BCL2L13: variants seen among roughly 807,000 people sequenced by gnomAD.
The protein encoded by BCL2L13 is bcl-2-like protein 13.
Under a neutral mutation model 25.8 loss-of-function variants are expected in BCL2L13, and 13 were observed. The ratio of observed to expected loss-of-function variants is 0.50; its 90% CI spans 0.33 to 0.80. The LOEUF (loss-of-function observed/expected upper bound fraction) is 0.80. Ranked by LOEUF, BCL2L13 falls within the 30% of genes least tolerant of loss-of-function variation. BCL2L13 has a pLI of 0.02. For missense variants in BCL2L13, 504 were observed against 574.9 expected (o/e 0.88, Z 1.26); for synonymous variants, 244 against 230.3 (o/e 1.06, Z -0.54).
intron 5 of BCL2L13, 135 bp downstream of exon 5, chr22:17,696,345 T>G: frequency 1.3e-6 from 1 of 779,836 alleles, no homozygotes; most frequent in Non-Finnish European, 2.1e-6. Context: ...TAAGGGGATA[T>G]TTTTGGTTAA....
chr22:17,727,321 C>CTAT lies in BCL2L13; in HGVS notation c.1245_1246insTAT (p.Asn415_Ala416insTyr). 1 of 1,614,202 alleles carries CTAT rather than the reference C, an allele frequency of 6.2e-7. No homozygotes were observed. Among genetic ancestry groups the CTAT allele is most frequent in the South Asian group, 1.1e-5 (1 of 91,082 alleles). Reference sequence around the variant, plus strand: ...CGCTGCTGAGTGAGAAGGAGATAAACGCAAGGGAAGAGAGCCTTGTGGAAG... The same window carrying CTAT: ...CGCTGCTGAGTGAGAAGGAGATAAACTATGCAAGGGAAGAGAGCCTTGTGGAAG... On this transcript the variant is annotated inframe_insertion, in exon 7 of 7. Transcript: ENST00000317582.
chr22:17,663,054 A>G (rs1460704939), intron 2 of BCL2L13, among the ~76,000 whole-genome samples: 1 of 151,968 alleles, frequency 6.6e-6, no homozygotes, highest in Non-Finnish European at 1.5e-5. Context: ...AACTTTTTGT[A>G]AAGACAGGGT....
chr22:17,635,505 A>G (rs983399292), upstream of BCL2L13, among the ~76,000 whole-genome samples: 1 of 152,190 alleles, frequency 6.6e-6, no homozygotes, highest in African/African-American at 2.4e-5. Flanking sequence ...CCTCATTGAA[A>G]TGCCTTAGCA....
chr22:17,631,492 A>G (rs2058012305), intron 1 of BCL2L13, among the ~76,000 whole-genome samples: 1 of 151,244 alleles, frequency 6.6e-6, no homozygotes, highest in Non-Finnish European at 1.5e-5. Flanking sequence ...TTTGCAACAC[A>G]TCAGAAAGTA....
chr22:17,671,225 T>A (rs1283020536), intron 2 of BCL2L13, among the ~76,000 whole-genome samples: 2 of 151,974 alleles, frequency 1.3e-5, no homozygotes. Flanking sequence ...AAACCCCTTC[T>A]CTACTAAAAA....
intron 6 of BCL2L13, among the ~76,000 whole-genome samples, chr22:17,719,975 G>A (rs1443602507): frequency 6.6e-6 from 1 of 152,056 alleles, no homozygotes; most frequent in African/African-American, 2.4e-5. Flanking sequence ...TAGGCAATCC[G>A]TAGAGATAGA....
chr22:17,634,231 G>T (rs2058071251), upstream of BCL2L13, among the ~76,000 whole-genome samples: 1 of 151,968 alleles, frequency 6.6e-6, no homozygotes, highest in South Asian at 2.1e-4. Flanking sequence ...TGTTGCCCAG[G>T]CTGGAGTGCA....
chr22:17,631,114 T>TG (rs930967311), intron 1 of BCL2L13, among the ~76,000 whole-genome samples: 4 of 151,790 alleles, frequency 2.6e-5, no homozygotes, highest in African/African-American at 9.7e-5. Flanking sequence ...AATTTTTTTT[T>TG]TTTTTGAGAC....
chr22:17,680,509 C>A (rs1387654965), intron 2 of BCL2L13, among the ~76,000 whole-genome samples: 1 of 65,440 alleles, frequency 1.5e-5, no homozygotes, highest in Non-Finnish European at 2.5e-5. Flanking sequence ...GAGACTCTGT[C>A]TCAAAAAAAA....
At chr22:17,690,234 G>A (rs1283941993) in intron 4 of BCL2L13, among the ~76,000 whole-genome samples, 1 of 152,012 alleles carries the variant, frequency 6.6e-6, no homozygotes, top group African/African-American at 2.4e-5. Flanking sequence ...GCTGAGGCAG[G>A]AGTATCGCTT....
intron 1 of BCL2L13, among the ~76,000 whole-genome samples, chr22:17,630,555 G>C (rs2057990255): frequency 6.6e-6 from 1 of 151,166 alleles, no homozygotes; most frequent in Non-Finnish European, 1.5e-5. Flanking sequence ...TGGGATTACA[G>C]GTGTGAGCCA....
At chr22:17,643,813 C>T (rs1422768000) in intron 1 of BCL2L13, among the ~76,000 whole-genome samples, 5 of 151,732 alleles carry the variant, frequency 3.3e-5, no homozygotes, top group African/African-American at 1.2e-4. Context: ...TGGGGTTTCA[C>T]CGTGTTAGCC....
At chr22:17,681,984 A>G (rs559792076) in intron 2 of BCL2L13, among the ~76,000 whole-genome samples, 2 of 152,298 alleles carry the variant, frequency 1.3e-5, no homozygotes, top group African/African-American at 2.4e-5. Context: ...ACGTACGTAC[A>G]TGTACATACA....
chr22:17,691,532 G>T lies in BCL2L13; in HGVS notation c.386+2390G>T, dbSNP rs185561840. Among the ~76,000 whole-genome samples the T allele has an allele frequency of 4.5e-3, 682 of 152,214 alleles. 6 individuals are homozygous for T. The highest frequency in any genetic ancestry group is 0.016 in the African/African-American group (651 of 41,548). On this transcript the variant is annotated intron_variant, in intron 4 of 6. Coordinates refer to ENST00000317582, the MANE Select transcript of BCL2L13 (RefSeq NM_015367.4). ...ATGGTGGTGGGTGCCTGTAGTCCCA[G>T]CCACTCAGGAGGCTGAGGCAGGAGA...
At chr22:17,713,449 G>A (rs1035293554) in intron 6 of BCL2L13, among the ~76,000 whole-genome samples, 102 of 142,564 alleles carry the variant, frequency 7.2e-4, no homozygotes, top group South Asian at 1.5e-3. Context: ...CCCATCATAA[G>A]TTGAAAATGC....
chr22:17,635,527 A>T (rs997178084), upstream of BCL2L13, among the ~76,000 whole-genome samples: 2 of 152,174 alleles, frequency 1.3e-5, no homozygotes, highest in African/African-American at 4.8e-5. Flanking sequence ...TTCTGTTGAA[A>T]ATTAGTTAAC....
chr22:17,706,679 G>A (rs1418798792), intron 6 of BCL2L13: 3 of 1,328,020 alleles, frequency 2.3e-6, no homozygotes, highest in African/African-American at 1.5e-5. Context: ...CTGCAGCCCG[G>A]TGAGGGCACA....
upstream of BCL2L13, chr22:17,628,909 A>G (rs1231488367): frequency 3.9e-6 from 2 of 516,170 alleles, no homozygotes; most frequent in Non-Finnish European, 7.0e-6. Context: ...CCTGACCGGT[A>G]TTTTTTTCCT....
chr22:17,692,358 C>T (rs180686584), intron 4 of BCL2L13: 6 of 152,262 alleles, frequency 3.9e-5, no homozygotes, highest in East Asian at 1.9e-4. Flanking sequence ...TCATTCAGAA[C>T]GATGCTAAAA....
Sources: gnomAD v4.1 joint callset for allele counts (sites outside exome capture counted in the v4.1 genomes callset) on GRCh38, gnomAD v4.1.1 for gene constraint, MANE v1.5 for transcripts, NCBI Gene and HGNC (gene_info 2026-07-23, HGNC 2026-07-21) for gene names.